CWF19L2: variants seen among roughly 807,000 people sequenced by gnomAD.
The protein encoded by CWF19L2 is CWF19-like protein 2.
In CWF19L2, 98 loss-of-function variants were observed where a neutral mutation model predicts 111.7. The observed-to-expected ratio is 0.88, with a 90% CI of 0.75 to 1.04. The LOEUF (loss-of-function observed/expected upper bound fraction) is 1.04. Ranked by LOEUF, CWF19L2 falls within the 50% of genes least tolerant of loss-of-function variation. The pLI is 0.00. For synonymous variants in CWF19L2, 351 were observed against 342.9 expected, an observed-to-expected ratio of 1.02 and a Z score of -0.26; for missense variants, 1,101 against 1,051.4, an observed-to-expected ratio of 1.05 and a Z score of -0.65.
Position 107,349,010 on chromosome 11 carries a change from T to A in CWF19L2, c.2129A>T (p.His710Leu). ...GTGCTGCAAAGGGACTATCAGGCAGTGCCCCTCAGTAAGAGACCGTACGTT... is the reference window on the plus strand; with the variant it reads ...GTGCTGCAAAGGGACTATCAGGCAGAGCCCCTCAGTAAGAGACCGTACGTT... ...LPNVRSLTEG[H>L]CLIVPLQHHR... The change falls in exon 14 of 18, where the codon CAC becomes CTC. Residue 710 changes from histidine (H) to leucine (L), a missense_variant. Transcript: ENST00000282251. The A allele has an allele frequency of 6.2e-7, 1 of 1,610,818 alleles. No individual in the cohort carries two copies. Among genetic ancestry groups the A allele is most frequent in the Non-Finnish European group, 8.5e-7 (1 of 1,177,866 alleles).
chr11:107,454,385 T>C, intron 3 of CWF19L2, 65 bp downstream of exon 3: 1 of 1,198,508 alleles, frequency 8.3e-7, no homozygotes, highest in Non-Finnish European at 1.1e-6. Context: ...TAACTTCCCA[T>C]AAGTTACACA....
intron 12 of CWF19L2, among the ~76,000 whole-genome samples, chr11:107,381,547 A>T (rs1196746236): frequency 6.6e-6 from 1 of 152,160 alleles, no homozygotes; most frequent in Non-Finnish European, 1.5e-5. Flanking sequence ...ATGATTTCAT[A>T]CTCTTGGATT....
At chr11:107,346,055 T>A (rs1860075200) in intron 14 of CWF19L2, among the ~76,000 whole-genome samples, 1 of 152,178 alleles carries the variant, frequency 6.6e-6, no homozygotes, top group African/African-American at 2.4e-5. Flanking sequence ...CAATTTCTTA[T>A]AATCAGTTTA....
chr11:107,388,602 G>A (rs12365270), intron 12 of CWF19L2, among the ~76,000 whole-genome samples: 23,901 of 151,972 alleles, frequency 0.16, 2,160 homozygotes, highest in Middle Eastern at 0.26. Flanking sequence ...GGCTGGTCTC[G>A]AACTCCTGAC....
At chr11:107,376,158 G>A (rs1270583524) in intron 12 of CWF19L2, among the ~76,000 whole-genome samples, 1 of 129,070 alleles carries the variant, frequency 7.7e-6, no homozygotes, top group Non-Finnish European at 1.6e-5. Context: ...GGACCAGATG[G>A]ATTCACAGCC....
At chr11:107,378,740 A>T (rs575672347) in intron 12 of CWF19L2, among the ~76,000 whole-genome samples, 230 of 152,298 alleles carry the variant, frequency 1.5e-3, no homozygotes, top group Non-Finnish European at 2.5e-3. Flanking sequence ...CACATTGTGC[A>T]CATGTACCCT....
rs184327301 is a variant in CWF19L2 at position 107,398,151 on chromosome 11, G to C, written c.1618-5256C>G. 7.2e-5 allele frequency among the ~76,000 whole-genome samples: 11 copies of C among 152,134 alleles called. No homozygotes were observed. In the East Asian group the frequency reaches 1.5e-3, roughly 21 times the overall value. On this transcript the variant is annotated intron_variant, in intron 10 of 17. Coordinates refer to ENST00000282251, the MANE Select transcript of CWF19L2 (RefSeq NM_152434.3). ...CGCCTCCCAAAAATCACACTAGTTC[G>C]CCAGCAATGGATCCAAACCAAGAAG...
At chr11:107,455,926 GTAAAAAAA>G in intron 1 of CWF19L2, 150 bp from the exon 2 acceptor site, 2 of 556,532 alleles carry the variant, frequency 3.6e-6, no homozygotes, top group South Asian at 2.4e-5. Context: ...CTTCTCCAGT[GTAAAAAAA>G]TAAAAAAATA....
rs930540092 is a variant in CWF19L2 at position 107,439,241 on chromosome 11, T to A, written c.571-58A>T. 88 of 990,376 alleles carry A rather than the reference T, an allele frequency of 8.9e-5. No individual in the cohort carries two copies. The African/African-American group carries it at 1.3e-3, about 15-fold the overall frequency. 61.3% of individuals were successfully genotyped at this position (990,376 alleles called of 1,614,324 possible). A position where few individuals can be genotyped will look rare whatever the true frequency, so the allele number is the denominator to read the frequency against. On this transcript the variant is annotated intron_variant, in intron 5 of 17. Transcript: ENST00000282251. ...AAAAAATTAACAAATTATAAAAAAT[T>A]AACAAATAATAAATCTGAGACCCAG... is the stretch of plus-strand genomic sequence containing the variant.
intron 3 of CWF19L2, among the ~76,000 whole-genome samples, chr11:107,451,623 G>T (rs769974216): frequency 6.6e-6 from 1 of 152,004 alleles, no homozygotes; most frequent in Non-Finnish European, 1.5e-5. Context: ...TATGGATTCC[G>T]TAAACATTAA....
intron 6 of CWF19L2, among the ~76,000 whole-genome samples, chr11:107,437,482 C>T (rs1285278098): frequency 6.6e-6 from 1 of 152,178 alleles, no homozygotes; most frequent in Non-Finnish European, 1.5e-5. Flanking sequence ...AATGACAACA[C>T]TATCTACATA....
chr11:107,422,325 C>T (rs968890928), intron 8 of CWF19L2, among the ~76,000 whole-genome samples: 2 of 151,946 alleles, frequency 1.3e-5, no homozygotes, highest in Non-Finnish European at 2.9e-5. Context: ...TGAGTATGTG[C>T]GACTTTGGAA....
At chr11:107,388,162 A>G (rs1235011979) in intron 12 of CWF19L2, among the ~76,000 whole-genome samples, 1 of 152,208 alleles carries the variant, frequency 6.6e-6, no homozygotes, top group Admixed American at 6.5e-5. Flanking sequence ...TGAAAATATC[A>G]TCGCAGCTCC....
chr11:107,373,116 G>A (rs1403207695), intron 12 of CWF19L2, among the ~76,000 whole-genome samples: 3 of 49,662 alleles, frequency 6.0e-5, no homozygotes, highest in Non-Finnish European at 1.1e-4. Flanking sequence ...GGCTCGGAGG[G>A]TCCTACGCCC....
At chr11:107,402,869 GTGTGTATATATA>G (rs1402016997) in intron 10 of CWF19L2, among the ~76,000 whole-genome samples, 3 of 22,020 alleles carry the variant, frequency 1.4e-4, no homozygotes, top group Admixed American at 1.1e-3. Flanking sequence ...ACAAACTGTG[GTGTGTATATATA>G]TATATATATA....
chr11:107,416,159 G>A (rs373709177), intron 10 of CWF19L2, 50 bp downstream of exon 10: 30 of 456,460 alleles, frequency 6.6e-5, no homozygotes, highest in Non-Finnish European at 9.5e-5. Context: ...ACCACTGCCC[G>A]GTGGTAGTTT....
intron 12 of CWF19L2, among the ~76,000 whole-genome samples, chr11:107,383,095 T>A (rs1860715562): frequency 6.6e-6 from 1 of 152,244 alleles, no homozygotes; most frequent in Non-Finnish European, 1.5e-5. Flanking sequence ...ACCTTTATAA[T>A]AAACCAGTAA....
At chr11:107,386,838 G>A (rs1319761951) in intron 12 of CWF19L2, among the ~76,000 whole-genome samples, 1 of 152,034 alleles carries the variant, frequency 6.6e-6, no homozygotes, top group African/African-American at 2.4e-5. Context: ...GGCGGATCAC[G>A]AGGTCAAGAG....
intron 8 of CWF19L2, among the ~76,000 whole-genome samples, chr11:107,426,318 A>G (rs1861376006): frequency 6.6e-6 from 1 of 151,894 alleles, no homozygotes; most frequent in South Asian, 2.1e-4. Flanking sequence ...CATATGGCAA[A>G]GATTTAAAAA....
Sources: allele counts gnomAD v4.1 joint callset (sites outside exome capture counted in the v4.1 genomes callset), GRCh38; gene constraint gnomAD v4.1.1; transcripts MANE v1.5; gene names NCBI Gene and HGNC (gene_info 2026-07-23, HGNC 2026-07-21).